The following ZNF83 variants were observed in gnomAD, a reference collection of about 807,000 sequenced individuals.
ZNF83 encodes zinc finger protein 816B.
For synonymous variants in ZNF83, 209 were observed against 213.0 expected (o/e 0.98, Z 0.17); for missense variants, 552 against 629.9 (o/e 0.88, Z 1.32).
At chr19:52,650,884 G>T (rs927982354) in intron 3 of ZNF83, 2 of 152,156 alleles carry the variant, frequency 1.3e-5, no homozygotes, top group Non-Finnish European at 2.9e-5. Flanking sequence ...CAATGCTAAT[G>T]AGTGGTCAAG....
At position 52,687,656 on chromosome 19, in the gene ZNF83, T is replaced by A. The variant is rs1330049327; in HGVS notation, c.-283+2787A>T. ...ATGTATATATATATATATATATATA[T>A]AATGTATATATATATATAACTAGCC... On this transcript the variant is annotated intron_variant, in intron 1 of 5. Transcript: ENST00000594682. Among the ~76,000 whole-genome samples the A allele has an allele frequency of 4.3e-4, 8 of 18,700 alleles. 1 individual carries two copies. Among genetic ancestry groups the A allele is most frequent in the Non-Finnish European group, 7.4e-4 (8 of 10,856 alleles). 12.3% of individuals were successfully genotyped at this position (18,700 alleles called of 152,430 possible). A position where few individuals can be genotyped will look rare whatever the true frequency, so the allele number is the denominator to read the frequency against.
chr19:52,668,074 A>T (rs1445696825), intron 1 of ZNF83, among the ~76,000 whole-genome samples: 1 of 152,224 alleles, frequency 6.6e-6, no homozygotes. Context: ...GAAATTATAT[A>T]CTTGGTTTAT....
rs182787549 is a variant in ZNF83 at position 52,655,391 on chromosome 19, T to G, written c.-74+170A>C. On this transcript the variant is annotated intron_variant, in intron 3 of 5. Coordinates refer to the ZNF83 transcript ENST00000594682. Reference sequence around the variant, plus strand: ...TTTTATGTAAAACCACTCCATAGGATAGTCTCTAAGAAGCTGTCTATGACA... The same window carrying G: ...TTTTATGTAAAACCACTCCATAGGAGAGTCTCTAAGAAGCTGTCTATGACA... The G allele has an allele frequency of 3.3e-3, 2,144 of 654,420 alleles. 3 individuals carry two copies. The highest frequency in any genetic ancestry group is 5.1e-3 in the East Asian group (184 of 36,434). 40.5% of individuals were successfully genotyped at this position (654,420 alleles called of 1,614,324 possible). A position where few individuals can be genotyped will look rare whatever the true frequency, so the allele number is the denominator to read the frequency against.
intron 1 of ZNF83, chr19:52,636,916 C>T (rs2061166842): frequency 6.6e-6 from 1 of 152,338 alleles, no homozygotes; most frequent in Non-Finnish European, 1.5e-5. Context: ...CCTCAGTCTC[C>T]TAAAGTGCTG....
chr19:52,670,147 C>T (rs569786732), intron 1 of ZNF83, among the ~76,000 whole-genome samples: 6 of 152,110 alleles, frequency 3.9e-5, no homozygotes, highest in Admixed American at 2.6e-4. Flanking sequence ...TGATCACCTG[C>T]TCCACCCTGC....
chr19:52,652,233 T>A, intron 3 of ZNF83: 2 of 225,824 alleles, frequency 8.9e-6, no homozygotes, highest in Non-Finnish European at 1.8e-5. Flanking sequence ...GATCAAGAGT[T>A]GAGAGCAACC....
chr19:52,640,975 G>A (rs565690527), upstream of ZNF83, among the ~76,000 whole-genome samples: 7 of 152,230 alleles, frequency 4.6e-5, no homozygotes, highest in African/African-American at 1.7e-4. Flanking sequence ...GTCCAGGCGG[G>A]CAAGAGGATG....
At chr19:52,619,927 G>C (rs1363309243) in intron 2 of ZNF83, among the ~76,000 whole-genome samples, 1 of 152,096 alleles carries the variant, frequency 6.6e-6, no homozygotes, top group African/African-American at 2.4e-5. Flanking sequence ...GCAGGCATCT[G>C]TGGTTCCAAC....
intron 1 of ZNF83, among the ~76,000 whole-genome samples, chr19:52,678,350 T>G (rs2061852101): frequency 6.7e-6 from 1 of 148,706 alleles, no homozygotes; most frequent in Non-Finnish European, 1.5e-5. Context: ...CTTGGGAGGC[T>G]GAGGCAGGAG....
chr19:52,686,276 T>TA (rs1374040494), intron 1 of ZNF83, among the ~76,000 whole-genome samples: 3 of 151,204 alleles, frequency 2.0e-5, no homozygotes, highest in Non-Finnish European at 4.4e-5. Flanking sequence ...TAAATTGTTT[T>TA]AAAAAAAAAT....
exon 3 of ZNF83, chr19:52,613,980 A>T: frequency 6.2e-7 from 1 of 1,613,526 alleles, no homozygotes; most frequent in Non-Finnish European, 8.5e-7. Context: ...GAATTCTTTG[A>T]TGTTGTGCAA....
chr19:52,688,309 T>C (rs1041043242), intron 1 of ZNF83, among the ~76,000 whole-genome samples: 1 of 151,732 alleles, frequency 6.6e-6, no homozygotes, highest in East Asian at 1.9e-4. Flanking sequence ...TAGCTGGGAT[T>C]ACAGGTGCGC....
intron 3 of ZNF83, chr19:52,655,419 C>T (rs2061492486): frequency 3.7e-6 from 3 of 805,742 alleles, no homozygotes; most frequent in Non-Finnish European, 6.0e-6. Flanking sequence ...CTATGACAGA[C>T]AGGAGGATCA....
At chr19:52,639,413 C>CTTTTTTTTTCTTTT (rs1206783591), upstream of ZNF83, among the ~76,000 whole-genome samples, 27 of 53,838 alleles carry the variant, frequency 5.0e-4, no homozygotes, top group African/African-American at 1.4e-3. Flanking sequence ...TTAGTTTTTT[C>CTTTTTTTTTCTTTT]TATTTTTTTT....
At chr19:52,669,250 T>C (rs34570404) in intron 1 of ZNF83, among the ~76,000 whole-genome samples, 12,501 of 152,282 alleles carry the variant, frequency 0.082, 559 homozygotes, top group Non-Finnish European at 0.11. Context: ...AAGTCCCTTA[T>C]GGGTCTTTTG....
chr19:52,669,513 A>G (rs2061695305), intron 1 of ZNF83, among the ~76,000 whole-genome samples: 1 of 152,224 alleles, frequency 6.6e-6, no homozygotes, highest in Admixed American at 6.5e-5. Flanking sequence ...AGCCTTTGAC[A>G]TGATATTAGC....
At chr19:52,647,661 T>C (rs370795951) in intron 3 of ZNF83, among the ~76,000 whole-genome samples, 6 of 151,984 alleles carry the variant, frequency 3.9e-5, no homozygotes, top group East Asian at 1.9e-4. Context: ...AGCTCTTTTT[T>C]TTCTATTTCC....
chr19:52,648,980 C>A (rs935024334), intron 3 of ZNF83, among the ~76,000 whole-genome samples: 2 of 152,150 alleles, frequency 1.3e-5, no homozygotes, highest in Non-Finnish European at 2.9e-5. Flanking sequence ...CAGCCTCCAC[C>A]CTCTTGCCCA....
chr19:52,620,240 ATGTGTGTGTATATC>A (rs893905159), intron 2 of ZNF83, among the ~76,000 whole-genome samples: 24 of 142,220 alleles, frequency 1.7e-4, no homozygotes, highest in African/African-American at 6.0e-4. Context: ...ATATGTATAT[ATGTGTGTGTATATC>A]TGTGTGTGTA....
Sources: gnomAD v4.1 joint callset for allele counts (sites outside exome capture counted in the v4.1 genomes callset) on GRCh38, gnomAD v4.1.1 for gene constraint, MANE v1.5 for transcripts, NCBI Gene and HGNC (gene_info 2026-07-23, HGNC 2026-07-21) for gene names.